Variants in MIER1 observed in about 807,000 individuals in gnomAD.
MIER1 encodes the protein MIER1 transcriptional regulator.
In MIER1, 40 loss-of-function variants were observed where a neutral mutation model predicts 75.7. The ratio of observed to expected loss-of-function variants is 0.53; its 90% CI spans 0.41 to 0.69. The LOEUF is 0.69. MIER1 is among the 30% of genes least tolerant of loss of function. MIER1 has a pLI of 0.00. For missense variants in MIER1, 574 were observed against 680.2 expected (o/e 0.84, Z 1.74); for synonymous variants, 213 against 223.4 (o/e 0.95, Z 0.42).
chr1:66,951,695 T>C (rs1412361858), intron 4 of MIER1, among the ~76,000 whole-genome samples: 1 of 152,170 alleles, frequency 6.6e-6, no homozygotes, highest in Admixed American at 6.5e-5. Context: ...TTCTCTCGCC[T>C]CAGCCTCTTG....
chr1:66,981,136 A>G (rs1420328418), intron 12 of MIER1, among the ~76,000 whole-genome samples: 1 of 152,222 alleles, frequency 6.6e-6, no homozygotes, highest in Non-Finnish European at 1.5e-5. Flanking sequence ...TAAACCTGAG[A>G]GAGACAAATC....
At position 66,988,155 on chromosome 1, in the gene MIER1, C is replaced by T. The variant is rs963958654; in HGVS notation, c.*3255C>T. The T allele has an allele frequency of 6.6e-6, 1 of 152,052 alleles. No individual in the cohort carries two copies. Among genetic ancestry groups the T allele is most frequent in the African/African-American group, 2.4e-5 (1 of 41,296 alleles). The allele number at this position is 152,052 out of a possible 1,614,324, so 9.4% of individuals were successfully genotyped here. A position where few individuals can be genotyped will look rare whatever the true frequency, so the allele number is the denominator to read the frequency against. On this transcript the variant is annotated 3_prime_UTR_variant, in exon 14 of 14. Coordinates refer to ENST00000401041, the MANE Select transcript of MIER1 (RefSeq NM_001077700.3). ...TACCAAATCAGATAGTAAGGTTTTCCCAACTATAATCCATATTCATGAAAA... is the reference window on the plus strand; with the variant it reads ...TACCAAATCAGATAGTAAGGTTTTCTCAACTATAATCCATATTCATGAAAA...
chr1:66,976,515 AT>A, intron 11 of MIER1, 79 bp from the exon 12 acceptor site: 1 of 1,415,606 alleles, frequency 7.1e-7, no homozygotes, highest in Non-Finnish European at 9.5e-7. Context: ...AGCCAAATTT[AT>A]TTTCAAACTT....
At chr1:66,950,191 C>T (rs1377306710) in intron 4 of MIER1, among the ~76,000 whole-genome samples, 1 of 152,128 alleles carries the variant, frequency 6.6e-6, no homozygotes, top group Non-Finnish European at 1.5e-5. Context: ...TCACTGCAAC[C>T]TCCACCTCCT....
chr1:66,977,296 G>C (rs1006058123), intron 12 of MIER1, among the ~76,000 whole-genome samples: 2 of 151,942 alleles, frequency 1.3e-5, no homozygotes, highest in African/African-American at 4.8e-5. Flanking sequence ...TTTTATTAGA[G>C]ACGGGGTTTC....
intron 4 of MIER1, among the ~76,000 whole-genome samples, chr1:66,952,680 C>G (rs1215720175): frequency 6.6e-6 from 1 of 152,192 alleles, no homozygotes; most frequent in Non-Finnish European, 1.5e-5. Flanking sequence ...CTCACTTTGT[C>G]ACTCAGGCTG....
rs1166447395 is a variant in MIER1, at chr1:66,958,963, G to A, written c.614G>A (p.Arg205Gln). 1.1e-5 allele frequency: 18 copies of A among 1,612,030 alleles called. No individual in the cohort carries two copies. The highest frequency in any genetic ancestry group is 1.4e-5 in the Non-Finnish European group (17 of 1,178,834). ...QDAQEIIRPR[R>Q]CKYFDTNSEV... ...GCCCAGGAAATAATCCGCCCACGTC[G>A]ATGTAAATATTTTGATACAAGTAAG... The change falls in exon 6 of 14, where the codon CGA becomes CAA. Residue 205 changes from arginine to glutamine, a missense_variant. Coordinates refer to ENST00000401041, the MANE Select transcript of MIER1 (RefSeq NM_001077700.3).
rs1457137346 is a variant in MIER1 at position 66,948,064 on chromosome 1, T to G, written c.339+1769T>G. 24 of 964,128 alleles carry G rather than the reference T, an allele frequency of 2.5e-5. No individual in the cohort carries two copies. The Admixed American group carries it at 4.9e-4, about 20-fold the overall frequency. 59.7% of individuals were successfully genotyped at this position (964,128 alleles called of 1,614,324 possible). A position where few individuals can be genotyped will look rare whatever the true frequency, so the allele number is the denominator to read the frequency against. ...TGCTTTCTTTAGTGTTAGGACACAATTTGTAATTGTTTGTTTAATTTATTG... is the reference window on the plus strand; with the variant it reads ...TGCTTTCTTTAGTGTTAGGACACAAGTTGTAATTGTTTGTTTAATTTATTG... On this transcript the variant is annotated intron_variant, in intron 4 of 13. Transcript: ENST00000401041.
At chr1:66,970,164 T>C (rs1663311160) in intron 8 of MIER1, among the ~76,000 whole-genome samples, 1 of 152,222 alleles carries the variant, frequency 6.6e-6, no homozygotes, top group African/African-American at 2.4e-5. Flanking sequence ...AGATTTAGGC[T>C]TTCATCTTCT....
chr1:66,986,381 T>C lies in MIER1; in HGVS notation c.*1481T>C. 3 of 1,606,936 alleles carry C rather than the reference T, an allele frequency of 1.9e-6. No homozygotes were observed. Among genetic ancestry groups the C allele is most frequent in the South Asian group, 2.2e-5 (2 of 89,380 alleles). On this transcript the variant is annotated 3_prime_UTR_variant, in exon 14 of 14. Transcript: ENST00000401041. ...ATCCAAACTTTTATAAAATATTAAT[T>C]ATTCTTGTTTTTCTCACACAGGCAT...
Position 66,958,220 on chromosome 1 carries a change from A to G in MIER1, c.501A>G (p.Lys167=), listed in dbSNP as rs1258541508. 6.3e-7 allele frequency: 1 copy of G among 1,597,636 alleles called. No individual in the cohort carries two copies. The highest frequency in any genetic ancestry group is 8.6e-7 in the Non-Finnish European group (1 of 1,165,944). The change falls in exon 5 of 14, where the codon AAA becomes AAG. Residue 167 remains lysine, a splice_region_variant and synonymous_variant. Transcript: ENST00000401041. ...DDNSGCSGEN[K]EENIKDSSGQ... The stretch of plus-strand genomic sequence containing the variant: ...ACAGTGGCTGTAGTGGGGAAAATAA[A>G]GTAAGTCTATATACATATATTTAAG...
chr1:66,952,418 C>T (rs1332111998), intron 4 of MIER1, among the ~76,000 whole-genome samples: 3 of 152,036 alleles, frequency 2.0e-5, no homozygotes, highest in Non-Finnish European at 4.4e-5. Context: ...GGAATATTTG[C>T]GTTACACGAT....
In MIER1 at chr1:66,946,259, A is replaced by G; in HGVS notation, c.303A>G (p.Glu101=). Residue 101 remains glutamate, a synonymous_variant, in exon 4 of 14, where the codon GAA becomes GAG. Coordinates refer to ENST00000401041, the MANE Select transcript of MIER1 (RefSeq NM_001077700.3). ...AAGAGGAAGAAATGATGGAAGGAGA[A>G]ACAAACTTCAGCTCTGAAATAGAAG... is the stretch of plus-strand genomic sequence containing the variant. ...TLEEEEMMEG[E]TNFSSEIEDL... 1 of 1,610,324 alleles carries G rather than the reference A, an allele frequency of 6.2e-7. No homozygotes were observed. The highest frequency in any genetic ancestry group is 8.5e-7 in the Non-Finnish European group (1 of 1,178,990).
intron 1 of MIER1, chr1:66,925,351 T>C (rs1329712492): frequency 1.1e-5 from 11 of 985,366 alleles, no homozygotes; most frequent in East Asian, 1.1e-4. Flanking sequence ...GCCTTCGCGG[T>C]GGTGGCGCCG....
chr1:66,960,976 G>A (rs1380279441), intron 7 of MIER1, among the ~76,000 whole-genome samples: 2 of 151,980 alleles, frequency 1.3e-5, no homozygotes, highest in East Asian at 1.9e-4. Flanking sequence ...GTTCAGTAGA[G>A]TATTTGATTA....
At chr1:66,972,397 T>A (rs1663886742) in intron 10 of MIER1, among the ~76,000 whole-genome samples, 1 of 151,796 alleles carries the variant, frequency 6.6e-6, no homozygotes, top group South Asian at 2.1e-4. Context: ...AAATAGCTGA[T>A]GAATTCTTCA....
At position 66,925,098 on chromosome 1, in the gene MIER1, A is replaced by C. The variant is rs1394405708; in HGVS notation, c.67+3A>C. The C allele has an allele frequency of 2.6e-6, 4 of 1,548,024 alleles. No homozygotes were observed. Among genetic ancestry groups the C allele is most frequent in the Non-Finnish European group, 3.5e-6 (4 of 1,145,946 alleles). ...CGGCGGCAGCAGCGGCAGCGGCTGT[A>C]AGTGCAGCCTCCACAAGCCATCTCT... On this transcript the variant is annotated splice_donor_region_variant and intron_variant, in intron 1 of 13. Coordinates refer to ENST00000401041, the MANE Select transcript of MIER1 (RefSeq NM_001077700.3).
chr1:66,965,351 CAATG>C (rs1268647179), intron 8 of MIER1, among the ~76,000 whole-genome samples: 1 of 151,644 alleles, frequency 6.6e-6, no homozygotes, highest in Non-Finnish European at 1.5e-5. Context: ...TAAATTTTGA[CAATG>C]AAAGATAATA....
At chr1:66,936,916 T>C (rs2101158538) in intron 2 of MIER1, among the ~76,000 whole-genome samples, 1 of 147,972 alleles carries the variant, frequency 6.8e-6, no homozygotes. Context: ...GGGGAATTGC[T>C]TGAACCCAGA....
Sources: allele counts gnomAD v4.1 joint callset (sites outside exome capture counted in the v4.1 genomes callset), GRCh38; gene constraint gnomAD v4.1.1; transcripts MANE v1.5; gene names NCBI Gene and HGNC (gene_info 2026-07-23, HGNC 2026-07-21).